OPCML: variants seen among roughly 807,000 people sequenced by gnomAD.
OPCML encodes opioid binding protein/cell adhesion molecule like.
Under a neutral mutation model 37.8 loss-of-function variants are expected in OPCML, and 13 were observed. The ratio of observed to expected loss-of-function variants is 0.34; its 90% confidence interval spans 0.22 to 0.55. The LOEUF is 0.55. Among genes scored for constraint, OPCML ranks in the 20% least tolerant of loss-of-function variants. The probability of loss-of-function intolerance (pLI) is 0.91; values close to 1 mark genes in which losing one functional copy is unlikely to be tolerated. For synonymous variants in OPCML, 176 were observed against 168.8 expected (o/e 1.04, Z -0.33); for missense variants, 341 against 435.6 (o/e 0.78, Z 1.93).
At chr11:133,059,234 A>G (rs1948295984) in intron 1 of OPCML, among the ~76,000 whole-genome samples, 1 of 152,192 alleles carries the variant, frequency 6.6e-6, no homozygotes, top group Admixed American at 6.5e-5. Flanking sequence ...CTCAAGGAAG[A>G]CATCTAAAGG....
intron 3 of OPCML, among the ~76,000 whole-genome samples, chr11:132,562,543 A>G (rs1359805606): frequency 1.3e-5 from 2 of 152,184 alleles, no homozygotes; most frequent in Non-Finnish European, 2.9e-5. Flanking sequence ...AACTGATGGC[A>G]AAGCCAAAAC....
intron 1 of OPCML, among the ~76,000 whole-genome samples, chr11:133,376,579 G>A (rs925535669): frequency 6.6e-6 from 1 of 152,122 alleles, no homozygotes; most frequent in African/African-American, 2.4e-5. Context: ...ACATTTATGT[G>A]GTTTATGAGA....
intron 3 of OPCML, among the ~76,000 whole-genome samples, chr11:132,559,694 G>A (rs1171484545): frequency 1.3e-5 from 2 of 152,092 alleles, no homozygotes; most frequent in African/African-American, 2.4e-5. Flanking sequence ...GTGTCAACTC[G>A]TAAAGAGAGA....
intron 1 of OPCML, chr11:133,008,318 A>T: frequency 1.0e-6 from 1 of 985,418 alleles, no homozygotes; most frequent in Non-Finnish European, 1.2e-6. Flanking sequence ...CTGGTAAACA[A>T]CTAAAATGAA....
At chr11:132,801,016 G>A (rs201424250) in intron 2 of OPCML, among the ~76,000 whole-genome samples, 5 of 152,252 alleles carry the variant, frequency 3.3e-5, no homozygotes, top group East Asian at 1.9e-4. Context: ...TAAAGCCACC[G>A]GGGCATGGGC....
intron 1 of OPCML, among the ~76,000 whole-genome samples, chr11:133,386,931 G>A (rs1945068083): frequency 6.6e-6 from 1 of 152,158 alleles, no homozygotes; most frequent in Admixed American, 6.5e-5. Flanking sequence ...GTGAATGCTT[G>A]GAGGCTGCAG....
At chr11:133,511,494 C>G (rs989382830) in intron 1 of OPCML, among the ~76,000 whole-genome samples, 1 of 152,030 alleles carries the variant, frequency 6.6e-6, no homozygotes, top group African/African-American at 2.4e-5. Flanking sequence ...TGCCTCTTGA[C>G]TGTTGCTTGA....
chr11:132,598,232 C>G (rs774044881), intron 3 of OPCML, among the ~76,000 whole-genome samples: 1 of 152,174 alleles, frequency 6.6e-6, no homozygotes, highest in Non-Finnish European at 1.5e-5. Context: ...CAACCTCTTT[C>G]CTAACATCTA....
At chr11:132,803,708 G>A (rs893367105) in intron 2 of OPCML, among the ~76,000 whole-genome samples, 2 of 152,174 alleles carry the variant, frequency 1.3e-5, no homozygotes, top group African/African-American at 2.4e-5. Context: ...GCATAGTATA[G>A]TTGTTAAGGT....
At chr11:133,084,157 T>A (rs190896677) in intron 1 of OPCML, among the ~76,000 whole-genome samples, 1 of 152,204 alleles carries the variant, frequency 6.6e-6, no homozygotes, top group Admixed American at 6.5e-5. Flanking sequence ...TTGGTTTCAT[T>A]TTATAAATTA....
At chr11:133,138,219 T>C (rs1949720167) in intron 1 of OPCML, among the ~76,000 whole-genome samples, 1 of 152,234 alleles carries the variant, frequency 6.6e-6, no homozygotes, top group South Asian at 2.1e-4. Flanking sequence ...TTCTCTGCCA[T>C]GTCTTGACGC....
At chr11:133,421,703 A>G in intron 1 of OPCML, 1 of 985,360 alleles carries the variant, frequency 1.0e-6, no homozygotes, top group Non-Finnish European at 1.2e-6. Context: ...CTTATTGTGT[A>G]TTAAGGAATA....
chr11:133,523,787 G>A (rs74592847), intron 1 of OPCML, among the ~76,000 whole-genome samples: 3,372 of 152,228 alleles, frequency 0.022, 126 homozygotes, highest in African/African-American at 0.076. Context: ...GACTTTGCCC[G>A]TCCTGTTCAT....
At chr11:132,888,045 G>A (rs539036465) in intron 2 of OPCML, among the ~76,000 whole-genome samples, 2 of 152,274 alleles carry the variant, frequency 1.3e-5, no homozygotes, top group East Asian at 1.9e-4. Flanking sequence ...AGGGGCATGC[G>A]GCCTTTGGAT....
At chr11:132,870,054 C>A (rs77206684) in intron 2 of OPCML, among the ~76,000 whole-genome samples, 3,081 of 152,248 alleles carry the variant, frequency 0.02, 45 homozygotes, top group Middle Eastern at 0.044. Flanking sequence ...CCACACCTAC[C>A]TACTACACAC....
At chr11:133,183,929 T>C (rs1218685872) in intron 1 of OPCML, among the ~76,000 whole-genome samples, 2 of 152,188 alleles carry the variant, frequency 1.3e-5, no homozygotes, top group African/African-American at 4.8e-5. Context: ...CTACTCTGGC[T>C]CACACGGGAG....
chr11:133,356,520 T>C (rs1463933689), intron 1 of OPCML, among the ~76,000 whole-genome samples: 1 of 152,206 alleles, frequency 6.6e-6, no homozygotes, highest in Non-Finnish European at 1.5e-5. Flanking sequence ...TGTCACCATG[T>C]GGACAGAGGA....
intron 2 of OPCML, among the ~76,000 whole-genome samples, chr11:132,673,799 C>A (rs566215828): frequency 6.6e-6 from 1 of 152,160 alleles, no homozygotes; most frequent in African/African-American, 2.4e-5. Context: ...TAAATTTTCC[C>A]AGAAGCAGAA....
intron 1 of OPCML, among the ~76,000 whole-genome samples, chr11:133,227,638 G>C (rs1555118382): frequency 6.7e-6 from 1 of 150,320 alleles, no homozygotes; most frequent in African/African-American, 2.4e-5. Flanking sequence ...ATCAAGGAAA[G>C]AAAAAAAAAG....
Sources: allele counts gnomAD v4.1 joint callset (sites outside exome capture counted in the v4.1 genomes callset), GRCh38; gene constraint gnomAD v4.1.1; transcripts MANE v1.5; gene names NCBI Gene and HGNC (gene_info 2026-07-23, HGNC 2026-07-21).